Variants in IL1RAPL1 observed in about 807,000 individuals in gnomAD.
IL1RAPL1 encodes the protein interleukin-1 receptor accessory protein-like 1.
In IL1RAPL1, 3 loss-of-function variants were observed where a neutral mutation model predicts 48.4. That is an observed-to-expected ratio of 0.06 (90% CI 0.03 to 0.16). The LOEUF (loss-of-function observed/expected upper bound fraction) is 0.16. IL1RAPL1 is among the 10% of genes least tolerant of loss of function. The pLI, the probability that IL1RAPL1 is intolerant of heterozygous loss-of-function variation, is 1.00. For synonymous variants in IL1RAPL1, 185 were observed against 187.7 expected (o/e 0.99, Z 0.12); for missense variants, 349 against 530.6 (o/e 0.66, Z 3.36).
chrX:29,551,700 G>A (rs1308328786), intron 5 of IL1RAPL1, among the ~76,000 whole-genome samples: 1 of 110,474 alleles, frequency 9.1e-6, no homozygotes, highest in Non-Finnish European at 1.9e-5. Flanking sequence ...TGCTTTCTTG[G>A]GGTTCAAAAA....
At chrX:29,154,533 G>A (rs1225503549) in intron 2 of IL1RAPL1, among the ~76,000 whole-genome samples, 2 of 105,724 alleles carry the variant, frequency 1.9e-5, no homozygotes, top group Non-Finnish European at 3.9e-5. Flanking sequence ...GAGTGAGACT[G>A]TCTCAAAAAA....
chrX:29,285,524 C>CAAAAA lies in IL1RAPL1; in HGVS notation c.362+2335_362+2339dup, dbSNP rs778913919. The stretch of plus-strand genomic sequence containing the variant: ...TGGCAACAAGAGCCAAACTCCGTCT[C>CAAAAA]AAAAAAAAAAAAAAAAAAAAAAAAA... On this transcript the variant is annotated intron_variant, in intron 3 of 10. Transcript: ENST00000378993. Among the ~76,000 whole-genome samples the CAAAAA allele has an allele frequency of 1.1e-3, 13 of 11,587 alleles. 1 individual carries two copies. Among genetic ancestry groups the CAAAAA allele is most frequent in the East Asian group, 4.4e-3 (1 of 228 alleles). The allele number at this position is 11,587 out of a possible 115,157, so 10.1% of individuals were successfully genotyped here.
At chrX:29,091,602 G>A (rs773207694) in intron 2 of IL1RAPL1, among the ~76,000 whole-genome samples, 1 of 111,383 alleles carries the variant, frequency 9.0e-6, no homozygotes, top group African/African-American at 3.3e-5. Context: ...TAAAAGATAC[G>A]TCCTATAAGA....
chrX:29,811,683 C>T (rs1238957834), intron 6 of IL1RAPL1, among the ~76,000 whole-genome samples: 1 of 111,378 alleles, frequency 9.0e-6, no homozygotes, highest in African/African-American at 3.3e-5. Context: ...AGGTGATGTG[C>T]ATGTTTCTGA....
At chrX:29,091,989 G>C (rs778310106) in intron 2 of IL1RAPL1, among the ~76,000 whole-genome samples, 1 of 111,651 alleles carries the variant, frequency 9.0e-6, no homozygotes, top group Non-Finnish European at 1.9e-5. Context: ...ATTGTATGTA[G>C]TTTTTAGGTT....
intron 2 of IL1RAPL1, among the ~76,000 whole-genome samples, chrX:29,041,717 A>G (rs181797333): frequency 5.4e-5 from 6 of 112,036 alleles, no homozygotes; most frequent in Admixed American, 1.9e-4. Flanking sequence ...TATTTCTTCT[A>G]CAAACATTTA....
intron 3 of IL1RAPL1, among the ~76,000 whole-genome samples, chrX:29,288,864 T>C (rs1171441236): frequency 8.9e-6 from 1 of 112,239 alleles, no homozygotes; most frequent in Non-Finnish European, 1.9e-5. Flanking sequence ...CTGACTGGCG[T>C]GAGATGGTAC....
At chrX:29,368,851 C>T (rs1285779649) in intron 3 of IL1RAPL1, 1 of 110,972 alleles carries the variant, frequency 9.0e-6, no homozygotes, top group African/African-American at 3.3e-5. Flanking sequence ...TGCTCTATGA[C>T]CACTCCTTGG....
At chrX:29,475,885 A>G (rs1383092123) in intron 5 of IL1RAPL1, among the ~76,000 whole-genome samples, 2 of 109,696 alleles carry the variant, frequency 1.8e-5, no homozygotes, top group East Asian at 5.7e-4. Context: ...TATATATCTG[A>G]TGATGGAGAC....
At chrX:29,636,059 T>G (rs1289558312) in intron 5 of IL1RAPL1, among the ~76,000 whole-genome samples, 1 of 111,344 alleles carries the variant, frequency 9.0e-6, no homozygotes, top group African/African-American at 3.3e-5. Flanking sequence ...AATGTTAGTC[T>G]TATAACAAAG....
At chrX:28,737,121 CCTTCCTTCCTTCCTTCCTTCCTT>C (rs1935839230) in intron 1 of IL1RAPL1, among the ~76,000 whole-genome samples, 20 of 71,740 alleles carry the variant, frequency 2.8e-4, no homozygotes, top group African/African-American at 8.5e-4. Flanking sequence ...TCTTTTCCTT[CCTTCCTTCCTTCCTTCCTTCCTT>C]CCTTCCTTCC....
intron 6 of IL1RAPL1, among the ~76,000 whole-genome samples, chrX:29,791,922 G>A (rs1443531831): frequency 9.2e-6 from 1 of 108,412 alleles, no homozygotes; most frequent in Non-Finnish European, 1.9e-5. Context: ...TGTAGAGATG[G>A]GGTTTCACCA....
chrX:29,950,215 C>T (rs1446852855), intron 9 of IL1RAPL1, among the ~76,000 whole-genome samples: 1 of 112,063 alleles, frequency 8.9e-6, no homozygotes, highest in African/African-American at 3.2e-5. Flanking sequence ...TGTCATAGCA[C>T]CAATTCCTAA....
At chrX:29,385,352 G>T (rs1258419235) in intron 3 of IL1RAPL1, among the ~76,000 whole-genome samples, 2 of 112,390 alleles carry the variant, frequency 1.8e-5, no homozygotes, top group African/African-American at 6.5e-5. Flanking sequence ...TGCTCAGAAG[G>T]CTGAGGCAGG....
intron 2 of IL1RAPL1, among the ~76,000 whole-genome samples, chrX:29,017,700 C>T (rs1477477556): frequency 9.0e-6 from 1 of 111,409 alleles, no homozygotes; most frequent in East Asian, 2.8e-4. Context: ...GTAAGGACAA[C>T]CACCACTACA....
At chrX:29,215,135 G>A (rs1289623884) in intron 2 of IL1RAPL1, among the ~76,000 whole-genome samples, 1 of 111,148 alleles carries the variant, frequency 9.0e-6, no homozygotes, top group African/African-American at 3.3e-5. Context: ...ATCACCTGAG[G>A]TCAGGAGTTT....
intron 5 of IL1RAPL1, among the ~76,000 whole-genome samples, chrX:29,632,400 C>T (rs952305154): frequency 9.0e-5 from 10 of 110,915 alleles, no homozygotes; most frequent in Non-Finnish European, 1.7e-4. Flanking sequence ...CCGCCCACCT[C>T]GGCCTCCCAA....
At chrX:28,806,300 A>G in intron 2 of IL1RAPL1, among the ~76,000 whole-genome samples, 1 of 112,028 alleles carries the variant, frequency 8.9e-6, no homozygotes, top group Non-Finnish European at 1.9e-5. Context: ...CACTGAGACT[A>G]TACTGGAAAG....
chrX:28,962,592 A>T (rs969323276), intron 2 of IL1RAPL1, among the ~76,000 whole-genome samples: 3 of 111,249 alleles, frequency 2.7e-5, no homozygotes, highest in African/African-American at 6.5e-5. Context: ...CCGACTGTAG[A>T]TTGAAAATAT....
Sources: gnomAD v4.1 joint callset for allele counts (sites outside exome capture counted in the v4.1 genomes callset) on GRCh38, gnomAD v4.1.1 for gene constraint, MANE v1.5 for transcripts, NCBI Gene and HGNC (gene_info 2026-07-23, HGNC 2026-07-21) for gene names.